Variants in TAFA5 observed in about 807,000 individuals in gnomAD.
The protein encoded by TAFA5 is chemokine-like protein TAFA-5.
TAFA5 carries 6 observed loss-of-function variants against 15.3 expected under a neutral mutation model. The ratio of observed to expected loss-of-function variants is 0.39; its 90% CI spans 0.21 to 0.77. The LOEUF (loss-of-function observed/expected upper bound fraction) is 0.77. TAFA5 is among the 30% of genes least tolerant of loss of function. TAFA5 has a pLI of 0.41. For synonymous variants in TAFA5, 103 were observed against 80.7 expected, an observed-to-expected ratio of 1.28 and a Z score of -1.48; for missense variants, 161 against 193.1, an observed-to-expected ratio of 0.83 and a Z score of 0.98.
At chr22:48,734,247 GAA>G (rs10572794) in intron 3 of TAFA5, among the ~76,000 whole-genome samples, 12,614 of 152,272 alleles carry the variant, frequency 0.083, 593 homozygotes, top group African/African-American at 0.11. Context: ...TGAGAAATGA[GAA>G]AAGTCTGGAA....
chr22:48,687,187 T>C (rs949470231), intron 2 of TAFA5, among the ~76,000 whole-genome samples: 1 of 148,988 alleles, frequency 6.7e-6, no homozygotes, highest in African/African-American at 2.5e-5. Context: ...AGTGGATTGA[T>C]GGATGGGAGG....
At chr22:48,493,190 T>C (rs1490747990) in intron 1 of TAFA5, among the ~76,000 whole-genome samples, 2 of 152,236 alleles carry the variant, frequency 1.3e-5, no homozygotes, top group African/African-American at 2.4e-5. Context: ...CTAGATTCCA[T>C]GTGCCCTATT....
At chr22:48,499,618 C>T (rs766486775) in intron 1 of TAFA5, among the ~76,000 whole-genome samples, 3 of 152,224 alleles carry the variant, frequency 2.0e-5, no homozygotes, top group Non-Finnish European at 4.4e-5. Context: ...CGGGGTCAGC[C>T]GGCCTGTGCT....
At chr22:48,735,460 CAG>C (rs1480509044) in intron 3 of TAFA5, among the ~76,000 whole-genome samples, 1 of 152,200 alleles carries the variant, frequency 6.6e-6, no homozygotes, top group African/African-American at 2.4e-5. Context: ...GAAAAAATGA[CAG>C]AGACAGTCAC....
At chr22:48,640,338 G>A (rs527519945) in intron 1 of TAFA5, among the ~76,000 whole-genome samples, 3 of 152,172 alleles carry the variant, frequency 2.0e-5, no homozygotes, top group Non-Finnish European at 4.4e-5. Context: ...AGCACCCACC[G>A]CCCCCTGCAT....
chr22:48,671,200 C>G (rs1343793040), intron 2 of TAFA5, among the ~76,000 whole-genome samples: 1 of 152,140 alleles, frequency 6.6e-6, no homozygotes, highest in African/African-American at 2.4e-5. Context: ...GCTAAGCTTC[C>G]CCAGGAGCTC....
At chr22:48,565,101 C>G (rs189574478) in intron 1 of TAFA5, among the ~76,000 whole-genome samples, 17 of 152,340 alleles carry the variant, frequency 1.1e-4, no homozygotes, top group Admixed American at 1.0e-3. Context: ...AGGAGCTTCC[C>G]TGGAGGAGAC....
chr22:48,647,112 C>T lies in TAFA5; in HGVS notation c.262+366C>T, dbSNP rs6010559. Among the ~76,000 whole-genome samples the T allele has an allele frequency of 2.4e-3, 364 of 152,296 alleles. 2 individuals carry two copies. Among genetic ancestry groups the T allele is most frequent in the African/African-American group, 8.2e-3 (341 of 41,548 alleles). Reference sequence around the variant, plus strand: ...CAAGGTCCCCTGGGTGCCGTTCCATCGTCTGCGTGTGGTCTGGCCGAGGCT... The same window carrying T: ...CAAGGTCCCCTGGGTGCCGTTCCATTGTCTGCGTGTGGTCTGGCCGAGGCT... On this transcript the variant is annotated intron_variant, in intron 2 of 3. Coordinates refer to ENST00000402357, the MANE Select transcript of TAFA5 (RefSeq NM_001082967.3).
At chr22:48,683,431 C>T (rs1928257560) in intron 2 of TAFA5, among the ~76,000 whole-genome samples, 1 of 152,232 alleles carries the variant, frequency 6.6e-6, no homozygotes, top group African/African-American at 2.4e-5. Flanking sequence ...ACTCCTCTCA[C>T]CTATTTTGCT....
chr22:48,696,203 C>T (rs1928706701), intron 2 of TAFA5, among the ~76,000 whole-genome samples: 1 of 152,230 alleles, frequency 6.6e-6, no homozygotes, highest in Non-Finnish European at 1.5e-5. Context: ...AGGAAGGAGA[C>T]TGTGCCAGCC....
At chr22:48,732,842 G>A (rs183131798) in intron 3 of TAFA5, among the ~76,000 whole-genome samples, 195 of 152,216 alleles carry the variant, frequency 1.3e-3, no homozygotes, top group African/African-American at 4.3e-3. Flanking sequence ...AGCAACCACC[G>A]CCCTGATCAG....
At chr22:48,748,118 C>T (rs1273565648) in intron 3 of TAFA5, among the ~76,000 whole-genome samples, 5 of 152,192 alleles carry the variant, frequency 3.3e-5, no homozygotes, top group Admixed American at 2.0e-4. Flanking sequence ...CCTCCGGTCA[C>T]TCCTGATGGA....
rs987290463 is a variant in TAFA5 at position 48,643,425 on chromosome 22, C to T, written c.113-3172C>T. 2.7e-4 allele frequency among the ~76,000 whole-genome samples: 41 copies of T among 152,234 alleles called. 1 individual carries two copies. In the Middle Eastern group the frequency reaches 0.017, roughly 63 times the overall value. Reference sequence around the variant, plus strand: ...TGAGGGCTGAGAGTGTTCGGTTGGCCGTGGCTGGTTTGGGGACCGCCTGGG... The same window carrying T: ...TGAGGGCTGAGAGTGTTCGGTTGGCTGTGGCTGGTTTGGGGACCGCCTGGG... On this transcript the variant is annotated intron_variant, in intron 1 of 3. Coordinates refer to ENST00000402357, the MANE Select transcript of TAFA5 (RefSeq NM_001082967.3).
intron 3 of TAFA5, among the ~76,000 whole-genome samples, chr22:48,728,713 T>G (rs2147265557): frequency 6.6e-6 from 1 of 152,208 alleles, no homozygotes; most frequent in East Asian, 1.9e-4. Context: ...TGAACACAAC[T>G]TAAGCGGGAG....
intron 1 of TAFA5, among the ~76,000 whole-genome samples, chr22:48,575,623 C>T (rs1923746578): frequency 1.4e-5 from 2 of 146,350 alleles, no homozygotes; most frequent in Admixed American, 1.4e-4. Context: ...CCGACACCGG[C>T]AGCGGCGGCC....
chr22:48,507,393 A>G (rs1921037684), intron 1 of TAFA5, among the ~76,000 whole-genome samples: 1 of 152,200 alleles, frequency 6.6e-6, no homozygotes, highest in Non-Finnish European at 1.5e-5. Flanking sequence ...TGGTCCTTCC[A>G]GAGAGGCTCC....
intron 2 of TAFA5, among the ~76,000 whole-genome samples, chr22:48,689,013 A>G (rs5771723): frequency 0.47 from 52,447 of 111,152 alleles, 11,505 homozygotes; most frequent in Non-Finnish European, 0.49. Flanking sequence ...AAAAAAAAAG[A>G]GAGAGAAAAC....
intron 1 of TAFA5, among the ~76,000 whole-genome samples, chr22:48,640,827 T>A: frequency 2.0e-5 from 3 of 151,602 alleles, no homozygotes. Flanking sequence ...GGGTCTGCCC[T>A]ATGGGACAAC....
At chr22:48,522,184 C>T (rs962691991) in intron 1 of TAFA5, among the ~76,000 whole-genome samples, 5 of 151,900 alleles carry the variant, frequency 3.3e-5, no homozygotes, top group Non-Finnish European at 7.4e-5. Context: ...CGGTTGCTGT[C>T]CAAGACTGGA....
Sources: gnomAD v4.1 joint callset for allele counts (sites outside exome capture counted in the v4.1 genomes callset) on GRCh38, gnomAD v4.1.1 for gene constraint, MANE v1.5 for transcripts, NCBI Gene and HGNC (gene_info 2026-07-23, HGNC 2026-07-21) for gene names.